CSGALNACT1: variants seen among roughly 807,000 people sequenced by gnomAD.
CSGALNACT1 encodes chondroitin sulfate N-acetylgalactosaminyltransferase 1.
Under a neutral mutation model 51.0 loss-of-function variants are expected in CSGALNACT1, and 52 were observed. The observed-to-expected ratio is 1.02, with a 90% CI of 0.82 to 1.29. The LOEUF is 1.29. Among genes scored for constraint, CSGALNACT1 ranks in the 50% most tolerant of loss-of-function variants. The pLI is 0.00. For missense variants in CSGALNACT1, 935 were observed against 679.2 expected, an observed-to-expected ratio of 1.38 and a Z score of -4.19; for synonymous variants, 341 against 254.4, an observed-to-expected ratio of 1.34 and a Z score of -3.24.
At position 19,522,519 on chromosome 8, in the gene CSGALNACT1, G is replaced by A. The variant is rs374594096; in HGVS notation, c.-296-16389C>T. Reference sequence around the variant, plus strand: ...ATCCTGGGAGATTTTAAAAGGCGATGTATGTAAAATGCTTAGCCCAGTGTC... The same window carrying A: ...ATCCTGGGAGATTTTAAAAGGCGATATATGTAAAATGCTTAGCCCAGTGTC... On this transcript the variant is annotated intron_variant, in intron 3 of 9. Transcript: ENST00000454498. Among the ~76,000 whole-genome samples, 11 of 152,336 alleles carry A rather than the reference G, an allele frequency of 7.2e-5. No homozygotes were observed. The East Asian group carries it at 1.5e-3, about 21-fold the overall frequency.
chr8:19,583,174 T>C (rs531456554), intron 3 of CSGALNACT1, among the ~76,000 whole-genome samples: 77 of 151,980 alleles, frequency 5.1e-4, no homozygotes, highest in Non-Finnish European at 9.7e-4. Context: ...CAATACCTTT[T>C]TTTAAAAAAA....
intron 3 of CSGALNACT1, 94 bp from the exon 3 acceptor site, chr8:19,506,224 G>C (rs775434498): frequency 1.7e-5 from 7 of 414,272 alleles, no homozygotes; most frequent in Admixed American, 8.8e-5. Context: ...TCTCCTGTGA[G>C]AGTTATGGCA....
chr8:19,419,968 T>A (rs959186331), intron 7 of CSGALNACT1, among the ~76,000 whole-genome samples: 1 of 152,166 alleles, frequency 6.6e-6, no homozygotes, highest in Non-Finnish European at 1.5e-5. Flanking sequence ...GTACTCATGA[T>A]AGTAAATAAG....
At chr8:19,495,308 G>A (rs1301861087) in intron 4 of CSGALNACT1, 1 of 152,190 alleles carries the variant, frequency 6.6e-6, no homozygotes, top group African/African-American at 2.4e-5. Context: ...ATTTACAAAT[G>A]GGTCCTGTTC....
chr8:19,753,935 G>C (rs1010713697), intron 1 of CSGALNACT1, among the ~76,000 whole-genome samples: 2 of 152,100 alleles, frequency 1.3e-5, no homozygotes, highest in Non-Finnish European at 2.9e-5. Context: ...TTAGAATTTA[G>C]AAATAAGAAG....
At chr8:19,411,663 G>T (rs1021412013) in intron 8 of CSGALNACT1, among the ~76,000 whole-genome samples, 5 of 152,130 alleles carry the variant, frequency 3.3e-5, no homozygotes, top group African/African-American at 7.2e-5. Flanking sequence ...AAACTTTGCT[G>T]CAAGTGTGAG....
rs753605774 is a variant in CSGALNACT1 at position 19,594,848 on chromosome 8, G to A, written c.-415-3570C>T. Among the ~76,000 whole-genome samples the A allele has an allele frequency of 6.1e-4, 93 of 151,934 alleles. 1 individual carries two copies. Among genetic ancestry groups the A allele is most frequent in the Admixed American group, 3.3e-4 (5 of 15,260 alleles). On this transcript the variant is annotated intron_variant, in intron 2 of 9. Coordinates refer to ENST00000454498, the Ensembl canonical transcript of CSGALNACT1. ...ATTATAGGCATGAGCCACCACACCCGGACTTTAATTTTAATTCAATCCATT... is the reference window on the plus strand; with the variant it reads ...ATTATAGGCATGAGCCACCACACCCAGACTTTAATTTTAATTCAATCCATT...
intron 6 of CSGALNACT1, among the ~76,000 whole-genome samples, chr8:19,432,028 T>C (rs1381506786): frequency 6.6e-6 from 1 of 152,130 alleles, no homozygotes; most frequent in Admixed American, 6.6e-5. Flanking sequence ...ACATTTATAC[T>C]ATCGTTTATA....
chr8:19,601,066 G>A (rs976763471), intron 2 of CSGALNACT1, among the ~76,000 whole-genome samples: 3 of 151,936 alleles, frequency 2.0e-5, no homozygotes, highest in African/African-American at 7.2e-5. Context: ...ATATTTTACA[G>A]TACTTGTTTT....
chr8:19,409,147 A>C (rs907861755), intron 8 of CSGALNACT1, among the ~76,000 whole-genome samples: 3 of 152,136 alleles, frequency 2.0e-5, no homozygotes, highest in East Asian at 3.8e-4. Flanking sequence ...GGGATAGAGA[A>C]CAACTCAGAA....
At chr8:19,732,634 A>G (rs954539343) in intron 1 of CSGALNACT1, 3 of 152,254 alleles carry the variant, frequency 2.0e-5, no homozygotes, top group African/African-American at 7.2e-5. Flanking sequence ...ATCAAGGTTT[A>G]TGAGTTAAAA....
At chr8:19,419,191 T>C (rs534890723) in intron 7 of CSGALNACT1, among the ~76,000 whole-genome samples, 61 of 152,286 alleles carry the variant, frequency 4.0e-4, no homozygotes, top group African/African-American at 1.4e-3. Flanking sequence ...AAAATGGGTC[T>C]TAGAAGTGCA....
At chr8:19,464,026 T>A (rs1047576658) in intron 4 of CSGALNACT1, among the ~76,000 whole-genome samples, 1 of 152,160 alleles carries the variant, frequency 6.6e-6, no homozygotes, top group Non-Finnish European at 1.5e-5. Context: ...TGACTCAGAT[T>A]CCCCGCCCCC....
intron 3 of CSGALNACT1, among the ~76,000 whole-genome samples, chr8:19,574,657 C>G (rs143255995): frequency 4.1e-4 from 62 of 152,244 alleles, no homozygotes; most frequent in Middle Eastern, 3.4e-3. Context: ...GCCCTGTACA[C>G]CATGGAACTG....
intron 1 of CSGALNACT1, among the ~76,000 whole-genome samples, chr8:19,663,996 C>T (rs1208037177): frequency 1.3e-5 from 2 of 152,192 alleles, no homozygotes; most frequent in African/African-American, 4.8e-5. Flanking sequence ...TTTCCAATTA[C>T]CAGCAGACAG....
chr8:19,510,180 C>T (rs1166991381), intron 3 of CSGALNACT1, among the ~76,000 whole-genome samples: 1 of 152,162 alleles, frequency 6.6e-6, no homozygotes, highest in Admixed American at 6.6e-5. Context: ...AGGGATGGAA[C>T]TGTGATGCAT....
upstream of CSGALNACT1, among the ~76,000 whole-genome samples, chr8:19,685,553 T>A (rs1173210225): frequency 6.6e-6 from 1 of 152,198 alleles, no homozygotes; most frequent in East Asian, 1.9e-4. Context: ...CTAATTAGCA[T>A]TAACTAGTTC....
chr8:19,683,099 A>T, upstream of CSGALNACT1: 2 of 222,960 alleles, frequency 9.0e-6, no homozygotes, highest in Non-Finnish European at 1.8e-5. Context: ...CGATCACAGG[A>T]CATAATGGAA....
intron 2 of CSGALNACT1, among the ~76,000 whole-genome samples, chr8:19,597,708 A>G (rs2049267480): frequency 6.6e-6 from 1 of 152,230 alleles, no homozygotes; most frequent in Non-Finnish European, 1.5e-5. Context: ...AAAAGGAAGT[A>G]GGGGAAAGGC....
Sources: allele counts gnomAD v4.1 joint callset (sites outside exome capture counted in the v4.1 genomes callset), GRCh38; gene constraint gnomAD v4.1.1; transcripts MANE v1.5; gene names NCBI Gene and HGNC (gene_info 2026-07-23, HGNC 2026-07-21).